The following AP1B1 variants were observed in gnomAD, a reference collection of about 807,000 sequenced individuals.
AP1B1 encodes AP-1 complex subunit beta-1.
A neutral mutation model predicts 104.3 loss-of-function variants in AP1B1; 36 were observed. The ratio of observed to expected loss-of-function variants is 0.35; its 90% confidence interval spans 0.26 to 0.46. The LOEUF is 0.46. Ranked by LOEUF, AP1B1 falls within the 20% of genes least tolerant of loss-of-function variation. The pLI, the probability that AP1B1 is intolerant of heterozygous loss-of-function variation, is 1.00. For synonymous variants in AP1B1, 504 were observed against 517.5 expected (o/e 0.97, Z 0.35); for missense variants, 901 against 1,247.9 (o/e 0.72, Z 4.19).
chr22:29,357,279 G>T (rs976572623), intron 5 of AP1B1, among the ~76,000 whole-genome samples: 1 of 152,022 alleles, frequency 6.6e-6, no homozygotes, highest in Non-Finnish European at 1.5e-5. Flanking sequence ...TGTTGGCCAG[G>T]CTAGTCTCAG....
At chr22:29,352,953 C>G (rs1484242736) in intron 7 of AP1B1, among the ~76,000 whole-genome samples, 1 of 152,160 alleles carries the variant, frequency 6.6e-6, no homozygotes, top group African/African-American at 2.4e-5. Flanking sequence ...GGAGCTGTCA[C>G]TAGCTGAGCC....
At chr22:29,378,702 A>G (rs2062387277) in intron 1 of AP1B1, among the ~76,000 whole-genome samples, 1 of 151,666 alleles carries the variant, frequency 6.6e-6, no homozygotes, top group African/African-American at 2.4e-5. Flanking sequence ...TACTAAAAAT[A>G]CAAAAAATTA....
intron 1 of AP1B1, among the ~76,000 whole-genome samples, chr22:29,368,530 A>C (rs2062179484): frequency 6.6e-6 from 1 of 152,166 alleles, no homozygotes; most frequent in Admixed American, 6.5e-5. Flanking sequence ...ACATTATCTC[A>C]CTTAATCTTG....
intron 1 of AP1B1, among the ~76,000 whole-genome samples, chr22:29,372,425 A>C (rs1335459108): frequency 7.6e-6 from 1 of 132,296 alleles, no homozygotes; most frequent in Non-Finnish European, 1.6e-5. Context: ...ACTGGGTCTC[A>C]AAAAAAAAAA....
chr22:29,329,568 C>T (rs2061525818), intron 22 of AP1B1, 144 bp downstream of exon 22: 1 of 1,515,082 alleles, frequency 6.6e-7, no homozygotes, highest in South Asian at 1.3e-5. Context: ...GTCAGCACCT[C>T]AATCAGGGCC....
intron 2 of AP1B1, among the ~76,000 whole-genome samples, chr22:29,366,051 C>T (rs2062130773): frequency 6.6e-6 from 1 of 152,140 alleles, no homozygotes; most frequent in South Asian, 2.1e-4. Flanking sequence ...GCTGATCCAG[C>T]AACAGACTCT....
chr22:29,341,422 C>T (rs1177512875), intron 13 of AP1B1, 79 bp downstream of exon 13: 31 of 1,542,252 alleles, frequency 2.0e-5, no homozygotes, highest in African/African-American at 2.7e-5. Flanking sequence ...GGGGACAACA[C>T]GCCAGGCCTG....
intron 3 of AP1B1, among the ~76,000 whole-genome samples, chr22:29,361,097 G>T (rs1243483988): frequency 6.6e-6 from 1 of 152,246 alleles, no homozygotes; most frequent in Non-Finnish European, 1.5e-5. Flanking sequence ...GAACAAAGAT[G>T]TTTCTCCTCT....
At chr22:29,339,169 A>C in intron 15 of AP1B1, 36 bp from the exon 16 acceptor site, 1 of 1,613,334 alleles carries the variant, frequency 6.2e-7, no homozygotes, top group Non-Finnish European at 8.5e-7. Context: ...GGTGGGCGTC[A>C]AGAGGCAAAG....
At chr22:29,377,923 A>G (rs1354638836) in intron 1 of AP1B1, among the ~76,000 whole-genome samples, 1 of 151,914 alleles carries the variant, frequency 6.6e-6, no homozygotes, top group Non-Finnish European at 1.5e-5. Context: ...ATTTGTTTGG[A>G]GTTACACAGC....
At position 29,339,225 on chromosome 22, in the gene AP1B1, A is replaced by G. The variant is rs897520076; in HGVS notation, c.2020-92T>C. 11 of 1,471,888 alleles carry G rather than the reference A, an allele frequency of 7.5e-6. No homozygotes were observed. The Middle Eastern group carries it at 6.6e-4, about 88-fold the overall frequency. 91.2% of individuals were successfully genotyped at this position (1,471,888 alleles called of 1,614,324 possible). ...GTAGAGCCACCTGGCTCTTTAGAAG[A>G]CACTGGGGGCAGGGGGCAGGACAGC... On this transcript the variant is annotated intron_variant, in intron 15 of 22. Transcript: ENST00000357586.
intron 1 of AP1B1, among the ~76,000 whole-genome samples, chr22:29,368,444 G>A (rs2062178227): frequency 6.6e-6 from 1 of 152,190 alleles, no homozygotes; most frequent in African/African-American, 2.4e-5. Flanking sequence ...AGTTACACAG[G>A]AACCAAGATA....
At chr22:29,376,920 G>A (rs1473651317) in intron 1 of AP1B1, among the ~76,000 whole-genome samples, 6 of 152,110 alleles carry the variant, frequency 3.9e-5, no homozygotes, top group African/African-American at 1.4e-4. Context: ...AAAGGGGCCG[G>A]GCATGCTGGC....
In AP1B1 at chr22:29,345,731, C is replaced by T. The variant is rs539241626; in HGVS notation, c.1438-3348G>A. 9.2e-5 allele frequency among the ~76,000 whole-genome samples: 14 copies of T among 152,326 alleles called. No homozygotes were observed. The East Asian group carries it at 2.7e-3, about 29-fold the overall frequency. On this transcript the variant is annotated intron_variant, in intron 11 of 22. Coordinates refer to ENST00000357586, the MANE Select transcript of AP1B1 (RefSeq NM_001127.4). ...ATGGAGTCTTGGTCTGTTGCCCAGG[C>T]TGGAGTGCAGTTGTGCGATCTCGGC...
At chr22:29,349,486 C>A in intron 10 of AP1B1, 103 bp from the exon 11 acceptor site, 1 of 1,257,812 alleles carries the variant, frequency 8.0e-7, no homozygotes, top group East Asian at 2.4e-5. Flanking sequence ...CCTCCTAAGA[C>A]CCCAAGGTGG....
chr22:29,343,138 A>C (rs563102346), intron 11 of AP1B1, among the ~76,000 whole-genome samples: 1 of 152,350 alleles, frequency 6.6e-6, no homozygotes, highest in Admixed American at 6.5e-5. Context: ...ATACTTGCTG[A>C]CTGAAGAAAC....
chr22:29,373,043 T>C (rs1452213091), intron 1 of AP1B1, among the ~76,000 whole-genome samples: 2 of 152,164 alleles, frequency 1.3e-5, no homozygotes, highest in African/African-American at 4.8e-5. Context: ...ACCAGCACCT[T>C]GGGAGGCCAA....
intron 1 of AP1B1, among the ~76,000 whole-genome samples, chr22:29,375,466 C>A (rs907180161): frequency 1.3e-5 from 2 of 151,588 alleles, no homozygotes; most frequent in South Asian, 2.1e-4. Flanking sequence ...CGATGCCTGG[C>A]ACATTCTAGG....
At chr22:29,333,089 G>A (rs1233054901) in intron 17 of AP1B1, 2 of 154,174 alleles carry the variant, frequency 1.3e-5, no homozygotes, top group East Asian at 1.9e-4. Context: ...AGGGTCACAT[G>A]AGGGTAAGTG....
Sources: gnomAD v4.1 joint callset for allele counts (sites outside exome capture counted in the v4.1 genomes callset) on GRCh38, gnomAD v4.1.1 for gene constraint, MANE v1.5 for transcripts, NCBI Gene and HGNC (gene_info 2026-07-23, HGNC 2026-07-21) for gene names.